ZRANB3: variants seen among roughly 807,000 people sequenced by gnomAD.
ZRANB3 encodes the protein DNA annealing helicase and endonuclease ZRANB3.
In ZRANB3, 125 loss-of-function variants were observed where a neutral mutation model predicts 133.8. The observed-to-expected ratio is 0.93, with a 90% confidence interval of 0.81 to 1.08. The LOEUF is 1.08. Among genes scored for constraint, ZRANB3 ranks in the 50% least tolerant of loss-of-function variants. The pLI is 0.00. For missense variants in ZRANB3, 1,229 were observed against 1,275.5 expected (o/e 0.96, Z 0.56); for synonymous variants, 387 against 432.7 (o/e 0.89, Z 1.31).
intron 2 of ZRANB3, among the ~76,000 whole-genome samples, chr2:135,463,803 T>C (rs545155221): frequency 1.3e-5 from 2 of 152,332 alleles, no homozygotes; most frequent in East Asian, 1.9e-4. Context: ...TTTTTCTTCA[T>C]TGACAGAAGT....
In ZRANB3 at chr2:135,207,854, A is replaced by G; in HGVS notation, c.2607-18T>C. The G allele has an allele frequency of 6.3e-7, 1 of 1,579,560 alleles. No individual in the cohort carries two copies. Among genetic ancestry groups the G allele is most frequent in the Non-Finnish European group, 8.6e-7 (1 of 1,158,884 alleles). On this transcript the variant is annotated intron_variant, in intron 18 of 20. Transcript: ENST00000264159. Reference sequence around the variant, plus strand: ...GAAGTTTTCTACAATTGATAAAAACACTGAATAGGTAACTAATGAATGATT... The same window carrying G: ...GAAGTTTTCTACAATTGATAAAAACGCTGAATAGGTAACTAATGAATGATT...
At chr2:135,485,765 T>C (rs1463720928) in intron 2 of ZRANB3, among the ~76,000 whole-genome samples, 1 of 152,352 alleles carries the variant, frequency 6.6e-6, no homozygotes, top group Non-Finnish European at 1.5e-5. Context: ...CTATTAAGTA[T>C]GCAATAGCAT....
At chr2:135,285,357 T>C (rs904546780) in intron 8 of ZRANB3, among the ~76,000 whole-genome samples, 1 of 152,238 alleles carries the variant, frequency 6.6e-6, no homozygotes, top group African/African-American at 2.4e-5. Flanking sequence ...GTATTGATTA[T>C]TGCTGACTTT....
chr2:135,216,376 G>A (rs1694311904), intron 17 of ZRANB3, among the ~76,000 whole-genome samples: 1 of 152,230 alleles, frequency 6.6e-6, no homozygotes, highest in East Asian at 1.9e-4. Context: ...GGTGTATGGA[G>A]GCAGCAAGAG....
intron 13 of ZRANB3, among the ~76,000 whole-genome samples, chr2:135,229,018 A>G (rs2105065777): frequency 6.6e-6 from 1 of 152,328 alleles, no homozygotes; most frequent in South Asian, 2.1e-4. Flanking sequence ...CAACTTATAC[A>G]TTTAATGTGA....
intron 12 of ZRANB3, among the ~76,000 whole-genome samples, chr2:135,252,154 G>C (rs1322545457): frequency 6.6e-6 from 1 of 152,122 alleles, no homozygotes; most frequent in Non-Finnish European, 1.5e-5. Flanking sequence ...AAGAACTTAT[G>C]AACACAAAAA....
chr2:135,440,232 C>G (rs1467817860), intron 2 of ZRANB3, among the ~76,000 whole-genome samples: 1 of 152,110 alleles, frequency 6.6e-6, no homozygotes, highest in Non-Finnish European at 1.5e-5. Flanking sequence ...TTCTGACCAT[C>G]TCTCTTGAGA....
At chr2:135,239,777 A>C (rs1283276109) in intron 12 of ZRANB3, among the ~76,000 whole-genome samples, 1 of 151,776 alleles carries the variant, frequency 6.6e-6, no homozygotes. Context: ...TCACGAGGTC[A>C]GGAGTTTGAG....
In ZRANB3 at chr2:135,217,525, C is replaced by T. The variant is rs779621882; in HGVS notation, c.2435G>A (p.Ser812Asn). The T allele has an allele frequency of 4.3e-6, 7 of 1,613,536 alleles. No homozygotes were observed. Among genetic ancestry groups the T allele is most frequent in the Middle Eastern group, 1.6e-4 (1 of 6,082 alleles). ...IIRKSGQLFC[S>N]PILALEEITK... ...GATCTCTTCCAAAGCAAGAATTGGG[C>T]TACAGAATAGCTGTCCACTTTTCCT... Residue 812 changes from serine (S) to asparagine (N), a missense_variant, in exon 17 of 21, where the codon AGC (serine) becomes AAC (asparagine). Transcript: ENST00000264159.
At chr2:135,432,315 T>C (rs1407411853) in intron 2 of ZRANB3, among the ~76,000 whole-genome samples, 1 of 152,130 alleles carries the variant, frequency 6.6e-6, no homozygotes, top group Non-Finnish European at 1.5e-5. Context: ...CAAATATTTC[T>C]AGAGGAATTT....
rs781003862 is a variant in ZRANB3 at position 135,207,727 on chromosome 2, T to C, written c.2716A>G (p.Asn906Asp). 3.7e-6 allele frequency: 6 copies of C among 1,614,048 alleles called. No homozygotes were observed. The South Asian group carries it at 4.4e-5, about 12-fold the overall frequency. Residue 906 changes from asparagine to aspartate, a missense_variant, in exon 19 of 21, where the codon AAT becomes GAT. Transcript: ENST00000264159. Reference sequence around the variant, plus strand: ...CGAAGGCAAAGTGGATTTCCTTCATTATCCACAGCTTGCAAATAGCCTTTG... The same window carrying C: ...CGAAGGCAAAGTGGATTTCCTTCATCATCCACAGCTTGCAAATAGCCTTTG... The part of the protein sequence containing the change: ...TSKGYLQAVD[N>D]EGNPLCLRCQ...
intron 13 of ZRANB3, among the ~76,000 whole-genome samples, chr2:135,229,839 G>A (rs1290810568): frequency 3.3e-5 from 5 of 151,870 alleles, no homozygotes; most frequent in Non-Finnish European, 5.9e-5. Context: ...TTTTTCTTAC[G>A]ACAACCACGG....
chr2:135,454,843 G>A (rs181340645), intron 2 of ZRANB3, among the ~76,000 whole-genome samples: 23 of 152,258 alleles, frequency 1.5e-4, no homozygotes, highest in African/African-American at 4.8e-4. Flanking sequence ...ATTGGCTGAT[G>A]GGCACTTATG....
rs1421383780 is a variant in ZRANB3, at chr2:135,273,995, T to C, written c.1086+1641A>G. Among the ~76,000 whole-genome samples, 4 of 152,208 alleles carry C rather than the reference T, an allele frequency of 2.6e-5. No individual in the cohort carries two copies. The East Asian group carries it at 5.8e-4, about 22-fold the overall frequency. On this transcript the variant is annotated intron_variant, in intron 9 of 20. Coordinates refer to ENST00000264159, the MANE Select transcript of ZRANB3 (RefSeq NM_032143.4). Reference sequence around the variant, plus strand: ...GAAAAATATTACGAATCTAATTTCTTGCCCAATCATTTAAAAAATATTTAG... The same window carrying C: ...GAAAAATATTACGAATCTAATTTCTCGCCCAATCATTTAAAAAATATTTAG...
chr2:135,313,879 T>A (rs1447395832), intron 7 of ZRANB3, among the ~76,000 whole-genome samples: 1 of 152,228 alleles, frequency 6.6e-6, no homozygotes, highest in Non-Finnish European at 1.5e-5. Flanking sequence ...CTTCTTTTTT[T>A]TTGAGACAGA....
chr2:135,511,117 T>C, intron 1 of ZRANB3: 1 of 769,272 alleles, frequency 1.3e-6, no homozygotes. Context: ...GCTAGTACTT[T>C]ACCAACATAA....
chr2:135,324,055 C>A (rs980331013), intron 6 of ZRANB3, among the ~76,000 whole-genome samples: 2 of 152,092 alleles, frequency 1.3e-5, no homozygotes, highest in Non-Finnish European at 1.5e-5. Context: ...AGGCATGAGC[C>A]ACTGTGTCTG....
chr2:135,360,625 A>G (rs1685649842), intron 3 of ZRANB3, among the ~76,000 whole-genome samples: 1 of 152,200 alleles, frequency 6.6e-6, no homozygotes, highest in Non-Finnish European at 1.5e-5. Flanking sequence ...GAATGGCGTG[A>G]ACCCGGGAAG....
intron 8 of ZRANB3, among the ~76,000 whole-genome samples, chr2:135,308,975 A>G (rs1283713901): frequency 2.0e-5 from 3 of 148,478 alleles, no homozygotes; most frequent in Non-Finnish European, 4.4e-5. Context: ...ACTTAGTAAT[A>G]ACATCATTTT....
Sources: allele counts gnomAD v4.1 joint callset (sites outside exome capture counted in the v4.1 genomes callset), GRCh38; gene constraint gnomAD v4.1.1; transcripts MANE v1.5; gene names NCBI Gene and HGNC (gene_info 2026-07-23, HGNC 2026-07-21).